BRD1: variants seen among roughly 807,000 people sequenced by gnomAD.
BRD1 encodes the protein bromodomain containing 1.
BRD1 carries 24 observed loss-of-function variants against 107.7 expected under a neutral mutation model. The observed-to-expected ratio is 0.22, with a 90% CI of 0.16 to 0.31. The LOEUF (loss-of-function observed/expected upper bound fraction) is 0.31. BRD1 is among the 10% of genes least tolerant of loss of function. BRD1 has a pLI of 1.00. For synonymous variants in BRD1, 744 were observed against 686.1 expected (o/e 1.08, Z -1.32); for missense variants, 1,279 against 1,638.6 (o/e 0.78, Z 3.79).
At chr22:49,774,512 A>C in intron 12 of BRD1, 96 bp from the exon 13 acceptor site, 9 of 1,350,430 alleles carry the variant, frequency 6.7e-6, no homozygotes, top group Non-Finnish European at 9.2e-6. Context: ...GCCCTCCGAT[A>C]GAAAGGGGCC....
At chr22:49,787,194 C>T (rs1490166054) in intron 8 of BRD1, among the ~76,000 whole-genome samples, 196 bp downstream of exon 8, 3 of 152,120 alleles carry the variant, frequency 2.0e-5, no homozygotes, top group African/African-American at 4.8e-5. Context: ...AGGCCCCCCA[C>T]GAAGGCGCCG....
At chr22:49,789,556 C>T (rs528765380) in intron 7 of BRD1, among the ~76,000 whole-genome samples, 2 of 152,046 alleles carry the variant, frequency 1.3e-5, no homozygotes, top group East Asian at 3.9e-4. Flanking sequence ...TCCCAATGGC[C>T]TCTGCAGGGC....
Position 49,804,265 on chromosome 22 carries a change from T to C in BRD1, c.1463A>G (p.Asn488Ser), listed in dbSNP as rs2059699564. Reference sequence around the variant, plus strand: ...CAGCCGCCGCAGCAGGGGGGCCCCGTTCCTGGACAGCCGCTTGAGCAGCCA... The same window carrying C: ...CAGCCGCCGCAGCAGGGGGGCCCCGCTCCTGGACAGCCGCTTGAGCAGCCA... The part of the protein sequence containing the change: ...SYWLLKRLSR[N>S]GAPLLRRLQS... Residue 488 changes from asparagine to serine, a missense_variant, in exon 3 of 13, where the codon AAC (asparagine) becomes AGC (serine). By Grantham distance (46) the Asn-to-Ser change is conservative (BLOSUM62 1). Around this residue, in one of 7 missense-constraint regions of BRD1, gnomAD observed 406 missense variants for 519.4 expected, o/e 0.78. Transcript: ENST00000404760. 2 of 1,610,084 alleles carry C rather than the reference T, an allele frequency of 1.2e-6. No homozygotes were observed. Among genetic ancestry groups the C allele is most frequent in the Non-Finnish European group, 1.7e-6 (2 of 1,178,372 alleles).
chr22:49,810,024 A>G (rs1413815262), intron 2 of BRD1, among the ~76,000 whole-genome samples: 1 of 152,244 alleles, frequency 6.6e-6, no homozygotes, highest in Non-Finnish European at 1.5e-5. Context: ...TGGGCCATAA[A>G]GTCTCAACAA....
intron 8 of BRD1, among the ~76,000 whole-genome samples, chr22:49,778,860 A>T (rs1243317061): frequency 6.6e-6 from 1 of 151,928 alleles, no homozygotes; most frequent in East Asian, 1.9e-4. Flanking sequence ...ACGGAGTTTC[A>T]CCGTGTTAGC....
Position 49,775,576 on chromosome 22 carries a change from G to C in BRD1, c.3386+15C>G. ...ACCCCAGCCGGTCCCCGGAGTCTAA[G>C]GCCTCTCAACTCACCAACTTCTCTT... On this transcript the variant is annotated intron_variant, in intron 12 of 12. Transcript: ENST00000404760. The C allele has an allele frequency of 1.3e-6, 2 of 1,567,352 alleles. No individual in the cohort carries two copies. The highest frequency in any genetic ancestry group is 2.3e-5 in the East Asian group (1 of 42,624).
Position 49,827,729 on chromosome 22 carries a change from A to C in BRD1, c.-247T>G, listed in dbSNP as rs1180433220. Among the ~76,000 whole-genome samples, 1 of 140,804 alleles carries C rather than the reference A, an allele frequency of 7.1e-6. No homozygotes were observed. Among genetic ancestry groups the C allele is most frequent in the Non-Finnish European group, 1.6e-5 (1 of 64,222 alleles). The allele number at this position is 140,804 out of a possible 152,430, so 92.4% of individuals were successfully genotyped here. The stretch of plus-strand genomic sequence containing the variant: ...CGGCGCGGGCTCGGGCTCGGGGCCC[A>C]GCTGGAGGCCCGGCTCGGGGGGCCC... On this transcript the variant is annotated 5_prime_UTR_variant, in exon 1 of 13. Transcript: ENST00000404760.
In BRD1 at chr22:49,780,650, G is replaced by A. The variant is rs533501406; in HGVS notation, c.2858-2837C>T. 8.5e-5 allele frequency among the ~76,000 whole-genome samples: 13 copies of A among 152,314 alleles called. No homozygotes were observed. In the South Asian group the frequency reaches 1.7e-3, roughly 19 times the overall value. On this transcript the variant is annotated intron_variant, in intron 8 of 12. Coordinates refer to ENST00000404760, the MANE Select transcript of BRD1 (RefSeq NM_001304808.3). ...AGCTGCAAGGTGGCCTGCGCTGCCC[G>A]GACCCTCCCAGCCTCCACCTGGACC...
At position 49,823,065 on chromosome 22, in the gene BRD1, T is replaced by G. The variant is rs555494003; in HGVS notation, c.1253A>C (p.Lys418Thr). The change falls in exon 2 of 13, where the codon AAA (lysine) becomes ACA (threonine). Residue 418 changes from lysine to threonine, a missense_variant. Lys to Thr is a moderately conservative substitution (Grantham distance 78). Around this residue, in one of 7 missense-constraint regions of BRD1, gnomAD observed 87 missense variants for 77.1 expected, o/e 1.13. Coordinates refer to ENST00000404760, the MANE Select transcript of BRD1 (RefSeq NM_001304808.3). The stretch of plus-strand genomic sequence containing the variant: ...GACCTTGGATGTGGACCTGACCGTT[T>G]TAACCGAGCTCTCTTTTCGACAGAC... The part of the protein sequence containing the change: ...NGVCRKESSV[K>T]TVRSTSKVRK... The G allele has an allele frequency of 1.9e-5, 30 of 1,614,254 alleles. 1 individual carries two copies. The South Asian group carries it at 3.2e-4, about 17-fold the overall frequency.
rs1270042770 is a variant in BRD1 at position 49,827,605 on chromosome 22, G to A, written c.-123C>T. The A allele has an allele frequency of 6.9e-6, 1 of 145,152 alleles. No individual in the cohort carries two copies. The highest frequency in any genetic ancestry group is 1.5e-5 in the Non-Finnish European group (1 of 65,464). The allele number at this position is 145,152 out of a possible 1,614,324, so 9.0% of individuals were successfully genotyped here. A position where few individuals can be genotyped will look rare whatever the true frequency, so the allele number is the denominator to read the frequency against. ...CGGCTCCTCCGCCAACGGCCGCGCAGGCCGGGCCCCGCCGCCGCTCCTGGG... is the reference window on the plus strand; with the variant it reads ...CGGCTCCTCCGCCAACGGCCGCGCAAGCCGGGCCCCGCCGCCGCTCCTGGG... On this transcript the variant is annotated 5_prime_UTR_variant, in exon 1 of 13. Coordinates refer to ENST00000404760, the MANE Select transcript of BRD1 (RefSeq NM_001304808.3).
In BRD1 at chr22:49,784,491, C is replaced by A. The variant is rs115072793; in HGVS notation, c.2857+2899G>T. ...CTCTGGGGCTGGGCCATCGCAGGAA[C>A]AGAAGCCTGGCGCACAGCACAGCCG... is the stretch of plus-strand genomic sequence containing the variant. On this transcript the variant is annotated intron_variant, in intron 8 of 12. Transcript: ENST00000404760. Among the ~76,000 whole-genome samples the A allele has an allele frequency of 7.8e-3, 1,195 of 152,354 alleles. 18 individuals carry two copies. The highest frequency in any genetic ancestry group is 0.028 in the African/African-American group (1,150 of 41,586).
chr22:49,816,569 C>A (rs1387327396), intron 2 of BRD1, among the ~76,000 whole-genome samples: 6 of 152,170 alleles, frequency 3.9e-5, no homozygotes, highest in Non-Finnish European at 7.3e-5. Flanking sequence ...ATCTTTATTC[C>A]AGAGTCAACA....
intron 8 of BRD1, among the ~76,000 whole-genome samples, chr22:49,787,061 G>T (rs1167470057): frequency 2.6e-5 from 4 of 151,954 alleles, no homozygotes; most frequent in Non-Finnish European, 5.9e-5. Flanking sequence ...CAGCCTGGGT[G>T]ACAAAGCAAG....
At chr22:49,775,553 C>T in intron 12 of BRD1, 38 bp downstream of exon 12, 1 of 1,405,734 alleles carries the variant, frequency 7.1e-7, no homozygotes, top group South Asian at 1.9e-5. Context: ...CCCCAACCAC[C>T]CCAGCCGGTC....
chr22:49,799,201 C>A, intron 3 of BRD1, 82 bp from the exon 4 acceptor site: 1 of 1,533,518 alleles, frequency 6.5e-7, no homozygotes, highest in South Asian at 1.2e-5. Flanking sequence ...GGTGAGACCC[C>A]AAGAGGCATC....
intron 6 of BRD1, among the ~76,000 whole-genome samples, chr22:49,794,696 C>T (rs1020610964): frequency 2.0e-5 from 3 of 152,180 alleles, no homozygotes; most frequent in Non-Finnish European, 4.4e-5. Flanking sequence ...GCTGGACCTG[C>T]GCTGGCTCTG....
rs1298437957 is a variant in BRD1 at position 49,823,496 on chromosome 22, G to A, written c.822C>T (p.Cys274=). 2 of 1,606,466 alleles carry A rather than the reference G, an allele frequency of 1.2e-6. No individual in the cohort carries two copies. Among genetic ancestry groups the A allele is most frequent in the South Asian group, 1.1e-5 (1 of 91,052 alleles). ...SRARPADCVL[C]PNKGGAFKKT... ...TTTTGAAGGCACCACCCTTGTTGGG[G>A]CACAGCACACAGTCGGCGGGCCGGG... is the stretch of plus-strand genomic sequence containing the variant. Residue 274 remains cysteine (C), a synonymous_variant, in exon 2 of 13, where the codon TGC becomes TGT. Transcript: ENST00000404760.
chr22:49,824,820 C>T lies in BRD1; in HGVS notation c.-14-489G>A, dbSNP rs2060128903. On this transcript the variant is annotated intron_variant, in intron 1 of 12. Transcript: ENST00000404760. The surrounding 1 kb of genome is among the most constrained non-coding windows in gnomAD (Gnocchi z 5.9). ...CCTATCGGATGCTCCCCCTAAACCA[C>T]TCTTCCCCTCCCCACTACTCCCAGG... 1 of 1,005,644 alleles carries T rather than the reference C, an allele frequency of 9.9e-7. No homozygotes were observed. Among genetic ancestry groups the T allele is most frequent in the South Asian group, 4.2e-5 (1 of 23,944 alleles). 62.3% of individuals were successfully genotyped at this position (1,005,644 alleles called of 1,614,324 possible).
chr22:49,808,227 C>A (rs1231133547), intron 2 of BRD1, among the ~76,000 whole-genome samples: 2 of 152,210 alleles, frequency 1.3e-5, no homozygotes, highest in Admixed American at 1.3e-4. Flanking sequence ...ACTTATCACC[C>A]ATGTTCTTCA....
Sources: allele counts gnomAD v4.1 joint callset (sites outside exome capture counted in the v4.1 genomes callset), GRCh38; gene constraint gnomAD v4.1.1; regional missense constraint gnomAD v4.1.1; non-coding constraint Gnocchi (gnomAD v3.1); transcripts MANE v1.5; gene names NCBI Gene and HGNC (gene_info 2026-07-23, HGNC 2026-07-21).